Variants in DGCR6L observed in about 807,000 individuals in gnomAD.
DGCR6L encodes the protein DiGeorge syndrome critical region gene 6 like.
In DGCR6L, 24 loss-of-function variants were observed where a neutral mutation model predicts 31.1. The observed-to-expected ratio is 0.77, with a 90% CI of 0.56 to 1.08. The LOEUF is 1.08. Ranked by LOEUF, DGCR6L falls within the 50% of genes least tolerant of loss-of-function variation. The pLI, the probability that DGCR6L is intolerant of heterozygous loss-of-function variation, is 0.00. For synonymous variants in DGCR6L, 104 were observed against 126.1 expected, an observed-to-expected ratio of 0.82 and a Z score of 1.17; for missense variants, 218 against 287.1, an observed-to-expected ratio of 0.76 and a Z score of 1.74.
Position 20,320,041 on chromosome 22 carries a change from C to T in DGCR6L, c.-53G>A, listed in dbSNP as rs986236922. ...GCGGCGACGAGCTCCCCCAGCTTCA[C>T]GACATCCCGAGCGCGGCGCGTCCCG... On this transcript the variant is annotated 5_prime_UTR_variant, in exon 1 of 5. The change creates a new upstream start codon in the 5' untranslated region. Transcript: ENST00000248879. 6 of 1,476,370 alleles carry T rather than the reference C, an allele frequency of 4.1e-6. No homozygotes were observed. The highest frequency in any genetic ancestry group is 5.4e-6 in the Non-Finnish European group (6 of 1,118,968). The allele number at this position is 1,476,370 out of a possible 1,614,324, so 91.5% of individuals were successfully genotyped here.
intron 2 of DGCR6L, among the ~76,000 whole-genome samples, chr22:20,317,601 C>A (rs935749438): frequency 1.3e-5 from 2 of 152,254 alleles, no homozygotes; most frequent in Non-Finnish European, 2.9e-5. Context: ...CTAAAACTCC[C>A]CATCCTGCTA....
chr22:20,319,831 G>T, intron 1 of DGCR6L, 32 bp from the exon 2 acceptor site: 1 of 1,598,618 alleles, frequency 6.3e-7, no homozygotes, highest in African/African-American at 1.3e-5. Flanking sequence ...GAGCCCCGGC[G>T]GGAAACGAAG....
Position 20,314,711 on chromosome 22 carries a change from G to A in DGCR6L, c.627C>T (p.Ala209=), listed in dbSNP as rs1286314279. The part of the protein sequence containing the change: ...GLGGPWQSPA[A]QCDQKGSPVP... ...CAGGGCTGCCTTTCTGGTCACACTG[G>A]GCAGCAGGCGACTGCCAGGGACCTC... Residue 209 remains alanine, a synonymous_variant, in exon 5 of 5, where the codon GCC becomes GCT. Coordinates refer to ENST00000248879, the MANE Select transcript of DGCR6L (RefSeq NM_033257.4). 1 of 1,610,120 alleles carries A rather than the reference G, an allele frequency of 6.2e-7. No individual in the cohort carries two copies. Among genetic ancestry groups the A allele is most frequent in the African/African-American group, 1.3e-5 (1 of 74,858 alleles).
At chr22:20,317,816 G>T (rs1199468620) in intron 2 of DGCR6L, among the ~76,000 whole-genome samples, 5 of 152,238 alleles carry the variant, frequency 3.3e-5, no homozygotes, top group African/African-American at 1.2e-4. Context: ...TGAGCCATGC[G>T]CTTGGGATTA....
chr22:20,318,191 G>A (rs2871077), intron 2 of DGCR6L: 14 of 152,734 alleles, frequency 9.2e-5, no homozygotes, highest in East Asian at 1.9e-4. Context: ...AAGAGCTGCC[G>A]AAAAGGGAAC....
At chr22:20,316,903 G>A (rs1426748810) in intron 2 of DGCR6L, among the ~76,000 whole-genome samples, 1 of 152,224 alleles carries the variant, frequency 6.6e-6, no homozygotes, top group African/African-American at 2.4e-5. Context: ...AAACACAGAT[G>A]TGTGCAAACT....
Position 20,319,996 on chromosome 22 carries a change from A to G in DGCR6L, c.-8T>C. 6.4e-7 allele frequency: 1 copy of G among 1,558,270 alleles called. No individual in the cohort carries two copies. The highest frequency in any genetic ancestry group is 8.6e-7 in the Non-Finnish European group (1 of 1,157,176). ...GGCCGCGTAGCGCTCCATGGCGCGG[A>G]CGCCCGCTAGCCGCCGGCGGCGGCG... is the stretch of plus-strand genomic sequence containing the variant. On this transcript the variant is annotated 5_prime_UTR_variant, in exon 1 of 5. Transcript: ENST00000248879.
At chr22:20,319,843 C>A (rs777976763) in intron 1 of DGCR6L, 36 bp downstream of exon 1, 1 of 1,595,040 alleles carries the variant, frequency 6.3e-7, no homozygotes, top group Non-Finnish European at 8.5e-7. Flanking sequence ...GAAACGAAGC[C>A]GCCTCCGCAG....
In DGCR6L at chr22:20,314,636, CAAG is replaced by C. The variant is rs754103164; in HGVS notation, c.*36_*38del. The C allele has an allele frequency of 1.3e-6, 2 of 1,545,628 alleles. No homozygotes were observed. The highest frequency in any genetic ancestry group is 1.4e-5 in the African/African-American group (1 of 73,146). ...AGCTGGGAAGGCAGTGGCCAAAGGT[CAAG>C]AAGATGAACTCTGCCCAGACTTCTG... On this transcript the variant is annotated 3_prime_UTR_variant, in exon 5 of 5. Transcript: ENST00000248879.
chr22:20,316,623 A>G (rs1442743092), intron 2 of DGCR6L, among the ~76,000 whole-genome samples: 1 of 152,238 alleles, frequency 6.6e-6, no homozygotes, highest in Non-Finnish European at 1.5e-5. Flanking sequence ...GGAAAGGAGC[A>G]GGAGGAGCGG....
chr22:20,317,510 T>C (rs751704458), intron 2 of DGCR6L, among the ~76,000 whole-genome samples: 9 of 152,242 alleles, frequency 5.9e-5, no homozygotes, highest in Non-Finnish European at 8.8e-5. Flanking sequence ...AGAAAGTCAA[T>C]GCAGGCATGC....
At chr22:20,319,521 A>G (rs548215767) in intron 2 of DGCR6L, 118 bp downstream of exon 2, 43 of 1,461,224 alleles carry the variant, frequency 2.9e-5, no homozygotes, top group Middle Eastern at 5.1e-4. Flanking sequence ...GATTTTGTCA[A>G]TCTTAGAGAC....
Position 20,320,031 on chromosome 22 carries a change from C to T in DGCR6L, c.-43G>A, listed in dbSNP as rs1175303038. ...GCCGCCGGCGGCGGCGACGAGCTCC[C>T]CCAGCTTCACGACATCCCGAGCGCG... On this transcript the variant is annotated 5_prime_UTR_variant, in exon 1 of 5. Transcript: ENST00000248879. 1 of 1,496,438 alleles carries T rather than the reference C, an allele frequency of 6.7e-7. No homozygotes were observed. The highest frequency in any genetic ancestry group is 1.3e-5 in the South Asian group (1 of 75,480). 92.7% of individuals were successfully genotyped at this position (1,496,438 alleles called of 1,614,324 possible). A position where few individuals can be genotyped will look rare whatever the true frequency, so the allele number is the denominator to read the frequency against.
intron 2 of DGCR6L, among the ~76,000 whole-genome samples, chr22:20,317,534 A>C (rs948962467): frequency 6.6e-6 from 1 of 152,262 alleles, no homozygotes; most frequent in Non-Finnish European, 1.5e-5. Context: ...CTGCTGGTGG[A>C]ACCAGGGCCT....
In DGCR6L at chr22:20,315,435, G is replaced by A. The variant is rs750620539; in HGVS notation, c.414C>T (p.Asp138=). 1.9e-6 allele frequency: 3 copies of A among 1,613,742 alleles called. No individual in the cohort carries two copies. Among genetic ancestry groups the A allele is most frequent in the African/African-American group, 1.3e-5 (1 of 74,946 alleles). The change falls in exon 4 of 5, where the codon GAC becomes GAT. Residue 138 remains aspartate, a synonymous_variant. Transcript: ENST00000248879. The stretch of plus-strand genomic sequence containing the variant: ...GGTCCAGCTCCAGGATGATCTTCTG[G>A]TCCATCGCCCGCTGCTCCTCACGGA... ...HRIREEQRAM[D]QKIILELDRK...
chr22:20,317,642 C>G (rs543972679), intron 2 of DGCR6L, among the ~76,000 whole-genome samples: 3 of 152,188 alleles, frequency 2.0e-5, no homozygotes, highest in African/African-American at 7.2e-5. Context: ...GAAAAATGGC[C>G]GATTCCAGGA....
At position 20,316,169 on chromosome 22, in the gene DGCR6L, G is replaced by A. The variant is rs547026507; in HGVS notation, c.322C>T (p.Arg108Trp). The change falls in exon 3 of 5, where the codon CGG (arginine) becomes TGG (tryptophan). Residue 108 changes from arginine to tryptophan, a missense_variant. Coordinates refer to ENST00000248879, the MANE Select transcript of DGCR6L (RefSeq NM_033257.4). ...QKHQEAQQAC[R>W]PHNLPVVQAA... is the part of the protein sequence containing the mutation. ...TGAACCACAGGCAGGTTGTGGGGCC[G>A]GCAGGCCTGCTGGGCTTCCTGGTGC... The A allele has an allele frequency of 9.3e-6, 15 of 1,610,278 alleles. No homozygotes were observed. The Admixed American group carries it at 1.0e-4, about 11-fold the overall frequency.
Position 20,314,944 on chromosome 22 carries a change from C to T in DGCR6L, c.514-120G>A, listed in dbSNP as rs928140480. On this transcript the variant is annotated intron_variant, in intron 4 of 4. Transcript: ENST00000248879. ...CCATCCTGTGAAGCCTGGTCATGGCCTGCCAGGACAGGGTGGAATCTGAGC... is the reference window on the plus strand; with the variant it reads ...CCATCCTGTGAAGCCTGGTCATGGCTTGCCAGGACAGGGTGGAATCTGAGC... 1.9e-6 allele frequency: 3 copies of T among 1,554,034 alleles called. No homozygotes were observed. The African/African-American group carries it at 4.1e-5, about 21-fold the overall frequency.
At position 20,315,218 on chromosome 22, in the gene DGCR6L, A is replaced by G. The variant is rs193292410; in HGVS notation, c.513+118T>C. ...CACAGAAATCCTTTCCAGAGCCTCAATCCTTCCACTTCACCCCCATACCCT... is the reference window on the plus strand; with the variant it reads ...CACAGAAATCCTTTCCAGAGCCTCAGTCCTTCCACTTCACCCCCATACCCT... On this transcript the variant is annotated intron_variant, in intron 4 of 4. Transcript: ENST00000248879. The G allele has an allele frequency of 3.2e-4, 496 of 1,537,542 alleles. 8 individuals are homozygous for G. The East Asian group carries it at 9.7e-3, about 30-fold the overall frequency.
Sources: gnomAD v4.1 joint callset for allele counts (sites outside exome capture counted in the v4.1 genomes callset) on GRCh38, gnomAD v4.1.1 for gene constraint, MANE v1.5 for transcripts, NCBI Gene and HGNC (gene_info 2026-07-23, HGNC 2026-07-21) for gene names.